The following ESRP1 variants were observed in gnomAD, a reference collection of about 807,000 sequenced individuals.
ESRP1 encodes the protein epithelial splicing regulatory protein 1.
A neutral mutation model predicts 81.7 loss-of-function variants in ESRP1; 33 were observed. That is an observed-to-expected ratio of 0.40 (90% confidence interval 0.31 to 0.54). The LOEUF is 0.54. ESRP1 is among the 20% of genes least tolerant of loss of function. The pLI is 0.41. For missense variants in ESRP1, 672 were observed against 833.1 expected, an observed-to-expected ratio of 0.81 and a Z score of 2.38; for synonymous variants, 320 against 303.3, an observed-to-expected ratio of 1.06 and a Z score of -0.57.
intron 13 of ESRP1, among the ~76,000 whole-genome samples, chr8:94,687,221 T>A (rs1454212041): frequency 6.6e-6 from 1 of 152,200 alleles, no homozygotes; most frequent in Non-Finnish European, 1.5e-5. Context: ...TCTATAGATT[T>A]TCCTATTCCA....
chr8:94,655,206 C>A (rs1818343947), intron 4 of ESRP1, among the ~76,000 whole-genome samples: 2 of 151,820 alleles, frequency 1.3e-5, no homozygotes, highest in Non-Finnish European at 1.5e-5. Flanking sequence ...TCTCATACCT[C>A]AGCCTCCCAA....
In ESRP1 at chr8:94,674,291, T is replaced by C. The variant is rs773029036; in HGVS notation, c.1453-17T>C. The C allele has an allele frequency of 1.9e-6, 3 of 1,604,148 alleles. No individual in the cohort carries two copies. The highest frequency in any genetic ancestry group is 2.2e-5 in the South Asian group (2 of 89,446). On this transcript the variant is annotated splice_polypyrimidine_tract_variant and intron_variant, in intron 11 of 15. Transcript: ENST00000433389. ...AGACAGTCTCCTTTTGTTTTTATTC[T>C]TCCCCCACACACTCAGGGCCGCCCA...
In ESRP1 at chr8:94,641,362, C is replaced by T; in HGVS notation, c.44C>T (p.Thr15Ile). 1 of 1,613,854 alleles carries T rather than the reference C, an allele frequency of 6.2e-7. No homozygotes were observed. The highest frequency in any genetic ancestry group is 8.5e-7 in the Non-Finnish European group (1 of 1,179,840). The change falls in exon 1 of 16, where the codon ACT (threonine) becomes ATT (isoleucine). Residue 15 changes from threonine (T) to isoleucine (I), a missense_variant. By Grantham distance (89) the Thr-to-Ile change is moderately conservative (BLOSUM62 -1). Coordinates refer to ENST00000433389, the MANE Select transcript of ESRP1 (RefSeq NM_017697.4). ...PDYLVVLFGI[T>I]AGATGAKLGS... ...TACTTGGTGGTGCTTTTTGGGATCA[C>T]TGCTGGGGCCACCGGGGCCAAGCTA...
chr8:94,692,046 G>A (rs1050809679), intron 13 of ESRP1, among the ~76,000 whole-genome samples: 3 of 152,066 alleles, frequency 2.0e-5, no homozygotes, highest in Non-Finnish European at 2.9e-5. Flanking sequence ...CAGATATACC[G>A]GAAGACCCAC....
chr8:94,700,985 T>TG (rs1809811225), intron 15 of ESRP1, among the ~76,000 whole-genome samples: 1 of 134,354 alleles, frequency 7.4e-6, no homozygotes, highest in Admixed American at 7.5e-5. Flanking sequence ...GTGTGTGTGT[T>TG]AAGAGGGCCG....
chr8:94,660,709 CAAAAAAAAAAAAAAAA>C (rs60316449), intron 4 of ESRP1, among the ~76,000 whole-genome samples: 7 of 43,542 alleles, frequency 1.6e-4, no homozygotes, highest in African/African-American at 7.5e-4. Flanking sequence ...GAGACTATCT[CAAAAAAAAAAAAAAAA>C]AAAAAAAAAA....
chr8:94,669,037 G>A (rs765043977), intron 10 of ESRP1, among the ~76,000 whole-genome samples: 2 of 151,972 alleles, frequency 1.3e-5, no homozygotes, highest in Admixed American at 6.6e-5. Context: ...CTCCCACCTC[G>A]GGCTCCCAAA....
chr8:94,662,350 C>T lies in ESRP1; in HGVS notation c.569C>T (p.Ala190Val). 6.3e-7 allele frequency: 1 copy of T among 1,580,218 alleles called. No homozygotes were observed. The highest frequency in any genetic ancestry group is 1.2e-5 in the South Asian group (1 of 86,176). Residue 190 changes from alanine (A) to valine (V), a missense_variant, in exon 5 of 16, where the codon GCA (alanine) becomes GTA (valine). Physicochemically the swap from Ala to Val is moderately conservative, Grantham distance 64 (BLOSUM62 0). Coordinates refer to ENST00000433389, the MANE Select transcript of ESRP1 (RefSeq NM_017697.4). ...QVEDMGNIILAMISEPYNHRF... is the reference protein window; with the variant it reads ...QVEDMGNIILVMISEPYNHRF... ...GAAGATATGGGGAATATAATTTTAG[C>T]AATGATTTCAGAGCCTTATAGTAAG...
Position 94,696,886 on chromosome 8 carries a change from AC to A in ESRP1, c.2008del (p.Gln670ArgfsTer18). The A allele has an allele frequency of 6.3e-7, 1 of 1,595,916 alleles. No individual in the cohort carries two copies. On this transcript the variant is annotated frameshift_variant, in exon 15 of 16. Transcript: ENST00000433389. LOFTEE classifies it high-confidence loss of function. ...ATEDGLIHTN[D>X]QARTLPKEWV... Reference sequence around the variant, plus strand: ...GAGGATGGACTTATACACACAAATGACCAGGCCAGGACTCTACCCAAAGAAT... The same window carrying A: ...GAGGATGGACTTATACACACAAATGACAGGCCAGGACTCTACCCAAAGAAT...
rs1308240887 is a variant in ESRP1 at position 94,646,232 on chromosome 8, G to A, written c.440G>A (p.Cys147Tyr). Residue 147 changes from cysteine (C) to tyrosine (Y), a missense_variant, in exon 4 of 16, where the codon TGC (cysteine) becomes TAC (tyrosine). Coordinates refer to ENST00000433389, the MANE Select transcript of ESRP1 (RefSeq NM_017697.4). ...CTTCGAAAAGAATTCAAGAAATGTT[G>A]CCCTGGTTCACCTGATATTGACAAA... is the stretch of plus-strand genomic sequence containing the variant. ...FDLRKEFKKC[C>Y]PGSPDIDKLD... 1 of 1,612,650 alleles carries A rather than the reference G, an allele frequency of 6.2e-7. No homozygotes were observed. Among genetic ancestry groups the A allele is most frequent in the African/African-American group, 1.3e-5 (1 of 74,950 alleles).
chr8:94,689,811 C>CTTTTTGTTTTTTTTTTTTTTT (rs1809304428), intron 13 of ESRP1, among the ~76,000 whole-genome samples: 1 of 64,680 alleles, frequency 1.5e-5, no homozygotes, highest in Non-Finnish European at 3.0e-5. Context: ...TGATGCCTGG[C>CTTTTTGTTTTTTTTTTTTTTT]TTTTTTTTTT....
chr8:94,682,920 A>ATT, intron 13 of ESRP1, among the ~76,000 whole-genome samples: 1 of 28,684 alleles, frequency 3.5e-5, no homozygotes, highest in Non-Finnish European at 6.4e-5. Flanking sequence ...ATATATATAT[A>ATT]TATATATATA....
At position 94,667,959 on chromosome 8, in the gene ESRP1, T is replaced by A; in HGVS notation, c.942T>A (p.Asn314Lys). 4 of 1,586,280 alleles carry A rather than the reference T, an allele frequency of 2.5e-6. No individual in the cohort carries two copies. The highest frequency in any genetic ancestry group is 3.4e-6 in the Non-Finnish European group (4 of 1,165,402). The part of the protein sequence containing the change: ...DFLKIAGGTS[N>K]EVAQFLSKEN... ...ATTTGTTTTCCCTAGGTACTTCCAA[T>A]GAGGTAGCCCAGTTTCTCTCCAAGG... Residue 314 changes from asparagine to lysine, a missense_variant, in exon 10 of 16, where the codon AAT becomes AAA. By Grantham distance (94) the Asn-to-Lys change is moderately conservative. Coordinates refer to ENST00000433389, the MANE Select transcript of ESRP1 (RefSeq NM_017697.4).
In ESRP1 at chr8:94,665,675, T is replaced by C. The variant is rs1439286294; in HGVS notation, c.931+479T>C. 2.0e-5 allele frequency among the ~76,000 whole-genome samples: 3 copies of C among 152,078 alleles called. No individual in the cohort carries two copies. In the East Asian group the frequency reaches 5.8e-4, roughly 29 times the overall value. On this transcript the variant is annotated intron_variant, in intron 9 of 15. Transcript: ENST00000433389. ...CCTGGCTAACTTTTTGTATTTTTAA[T>C]AGAGATGGGGTTTCACCATGTTGGC...
At chr8:94,679,719 G>A (rs1431994508) in intron 13 of ESRP1, among the ~76,000 whole-genome samples, 1 of 152,118 alleles carries the variant, frequency 6.6e-6, no homozygotes, top group African/African-American at 2.4e-5. Flanking sequence ...CTGAGTATAG[G>A]AGTGTAGTGA....
chr8:94,664,624 G>T (rs772716605), intron 6 of ESRP1, 73 bp from the exon 7 acceptor site: 5 of 1,044,824 alleles, frequency 4.8e-6, no homozygotes, highest in South Asian at 1.3e-5. Flanking sequence ...CTAGGCAGTT[G>T]TCTTGCAGGG....
intron 9 of ESRP1, among the ~76,000 whole-genome samples, chr8:94,666,887 T>C (rs1369885975): frequency 6.6e-6 from 1 of 152,186 alleles, no homozygotes; most frequent in Non-Finnish European, 1.5e-5. Context: ...GATTTCATTG[T>C]ATATGGGCAC....
At chr8:94,705,667 A>G in intron 15 of ESRP1, 1 of 398,814 alleles carries the variant, frequency 2.5e-6, no homozygotes, top group Non-Finnish European at 4.5e-6. Flanking sequence ...TAAACACATG[A>G]TACTACAAAG....
At chr8:94,653,921 A>G (rs984453264) in intron 4 of ESRP1, among the ~76,000 whole-genome samples, 22 of 152,388 alleles carry the variant, frequency 1.4e-4, no homozygotes, top group Admixed American at 9.1e-4. Flanking sequence ...CCAAATCGGC[A>G]TGGACACTGG....
Sources: gnomAD v4.1 joint callset for allele counts (sites outside exome capture counted in the v4.1 genomes callset) on GRCh38, gnomAD v4.1.1 for gene constraint, MANE v1.5 for transcripts, NCBI Gene and HGNC (gene_info 2026-07-23, HGNC 2026-07-21) for gene names.